The following RAPGEF4 variants were observed in gnomAD, a reference collection of about 807,000 sequenced individuals.
RAPGEF4 encodes the protein Rap guanine nucleotide exchange factor 4.
RAPGEF4 carries 66 observed loss-of-function variants against 147.9 expected under a neutral mutation model. That is an observed-to-expected ratio of 0.45 (90% CI 0.37 to 0.55). The LOEUF is 0.55. Among genes scored for constraint, RAPGEF4 ranks in the 20% least tolerant of loss-of-function variants. The pLI, the probability that RAPGEF4 is intolerant of heterozygous loss-of-function variation, is 0.00. For synonymous variants in RAPGEF4, 419 were observed against 442.7 expected (o/e 0.95, Z 0.67); for missense variants, 1,071 against 1,257.3 (o/e 0.85, Z 2.24).
chr2:172,923,048 G>A (rs564769125), intron 6 of RAPGEF4, among the ~76,000 whole-genome samples: 9 of 152,296 alleles, frequency 5.9e-5, no homozygotes, highest in East Asian at 3.9e-4. Flanking sequence ...AAGTGGCAAC[G>A]TTACAGGATT....
chr2:173,010,824 A>G (rs1321934303), intron 17 of RAPGEF4, among the ~76,000 whole-genome samples: 1 of 152,182 alleles, frequency 6.6e-6, no homozygotes, highest in Admixed American at 6.5e-5. Flanking sequence ...GACATTTCAG[A>G]AGGGGAACCC....
chr2:172,761,955 TA>T (rs1696388569), intron 1 of RAPGEF4, among the ~76,000 whole-genome samples: 1 of 152,056 alleles, frequency 6.6e-6, no homozygotes, highest in Non-Finnish European at 1.5e-5. Context: ...AACCCGTCCC[TA>T]AATTAAAGTA....
At chr2:172,986,234 A>C (rs1692235765) in intron 12 of RAPGEF4, among the ~76,000 whole-genome samples, 1 of 152,240 alleles carries the variant, frequency 6.6e-6, no homozygotes, top group African/African-American at 2.4e-5. Context: ...TGTTCTCAGA[A>C]GTTCTGCAAT....
intron 4 of RAPGEF4, among the ~76,000 whole-genome samples, chr2:172,823,932 T>TAG (rs1370780619): frequency 6.6e-6 from 1 of 152,214 alleles, no homozygotes; most frequent in Non-Finnish European, 1.5e-5. Context: ...TATTGTAAAA[T>TAG]AGAGATACCT....
chr2:172,828,525 C>T (rs1689937883), intron 4 of RAPGEF4, among the ~76,000 whole-genome samples: 1 of 152,184 alleles, frequency 6.6e-6, no homozygotes, highest in South Asian at 2.1e-4. Context: ...CATCTCACAG[C>T]TCCTAGCTGT....
chr2:172,735,769 C>T (rs913113028), upstream of RAPGEF4: 542 of 204,240 alleles, frequency 2.7e-3, 5 homozygotes, highest in African/African-American at 0.012. Flanking sequence ...CTCGGCCCTC[C>T]CCGCACCCGC....
chr2:172,900,531 G>C (rs905528129), intron 4 of RAPGEF4, among the ~76,000 whole-genome samples: 1 of 152,152 alleles, frequency 6.6e-6, no homozygotes, highest in African/African-American at 2.4e-5. Context: ...GAGCCACTGT[G>C]CCTGGCCAAT....
intron 3 of RAPGEF4, among the ~76,000 whole-genome samples, chr2:172,806,015 C>CTCTGTGTGTGTG (rs1381635401): frequency 6.9e-6 from 1 of 145,324 alleles, no homozygotes; most frequent in African/African-American, 2.6e-5. Flanking sequence ...TATTATCCGG[C>CTCTGTGTGTGTG]TGTGTGTGTG....
rs191480125 is a variant in RAPGEF4, at chr2:173,027,524, C to T, written c.2558+265C>T. On this transcript the variant is annotated intron_variant, in intron 25 of 30. Coordinates refer to ENST00000397081, the MANE Select transcript of RAPGEF4 (RefSeq NM_007023.4). ...CTTTGCTCTTTGCTTTCTACTCAGA[C>T]GGTTTTGCCTCCTTTAGTTTAAAAT... 1.5e-3 allele frequency among the ~76,000 whole-genome samples: 223 copies of T among 152,338 alleles called. 1 individual carries two copies. The highest frequency in any genetic ancestry group is 5.0e-3 in the African/African-American group (208 of 41,572).
intron 4 of RAPGEF4, 38 bp from the exon 5 acceptor site, chr2:172,917,764 A>G: frequency 1.3e-6 from 2 of 1,538,260 alleles, no homozygotes; most frequent in Non-Finnish European, 1.8e-6. Flanking sequence ...CAAAGCAAGT[A>G]AATATCTGTG....
At chr2:172,834,025 C>A (rs1690656674) in intron 4 of RAPGEF4, among the ~76,000 whole-genome samples, 1 of 152,180 alleles carries the variant, frequency 6.6e-6, no homozygotes, top group East Asian at 1.9e-4. Flanking sequence ...GTTCTTGGAT[C>A]TGTTGGCTCC....
chr2:172,950,430 A>G (rs1212207876), intron 6 of RAPGEF4, among the ~76,000 whole-genome samples: 2 of 152,326 alleles, frequency 1.3e-5, no homozygotes, highest in East Asian at 3.9e-4. Flanking sequence ...TCACATGTAA[A>G]CATTTTCCAA....
At chr2:172,960,562 T>C (rs565160570) in intron 6 of RAPGEF4, among the ~76,000 whole-genome samples, 198 bp from the exon 7 acceptor site, 1 of 152,350 alleles carries the variant, frequency 6.6e-6, no homozygotes, top group South Asian at 2.1e-4. Context: ...TATTTAAATG[T>C]TGGCAAATTG....
chr2:172,989,459 T>G (rs1986155), intron 14 of RAPGEF4, among the ~76,000 whole-genome samples: 11,102 of 152,046 alleles, frequency 0.073, 601 homozygotes, highest in South Asian at 0.16. Context: ...ATAACTGGGG[T>G]GGTAGAGGGA....
intron 1 of RAPGEF4, among the ~76,000 whole-genome samples, chr2:172,752,684 C>G (rs548051856): frequency 3.9e-5 from 6 of 152,266 alleles, no homozygotes; most frequent in South Asian, 4.1e-4. Flanking sequence ...AATAAGGGAG[C>G]CTTCTATTGA....
intron 4 of RAPGEF4, among the ~76,000 whole-genome samples, chr2:172,916,124 C>T (rs1350659817): frequency 6.6e-6 from 1 of 152,180 alleles, no homozygotes; most frequent in Non-Finnish European, 1.5e-5. Flanking sequence ...GTGTGCTCCA[C>T]AAGACAGCAA....
chr2:172,986,711 T>TTTA (rs1692290376), intron 12 of RAPGEF4, among the ~76,000 whole-genome samples: 1 of 151,860 alleles, frequency 6.6e-6, no homozygotes. Flanking sequence ...TTTTTTTTTT[T>TTTA]GAGACGGAGT....
chr2:172,781,378 T>C (rs1684663868), intron 1 of RAPGEF4, among the ~76,000 whole-genome samples: 1 of 152,116 alleles, frequency 6.6e-6, no homozygotes, highest in Admixed American at 6.5e-5. Context: ...GTGTGGTGAC[T>C]CACACCTGTA....
rs151073925 is a variant in RAPGEF4, at chr2:172,836,366, C to T, written c.444+21941C>T. Among the ~76,000 whole-genome samples, 214 of 152,244 alleles carry T rather than the reference C, an allele frequency of 1.4e-3. 1 individual carries two copies. Among genetic ancestry groups the T allele is most frequent in the African/African-American group, 4.8e-3 (198 of 41,544 alleles). On this transcript the variant is annotated intron_variant, in intron 4 of 30. Coordinates refer to ENST00000397081, the MANE Select transcript of RAPGEF4 (RefSeq NM_007023.4). Reference sequence around the variant, plus strand: ...GTGCTTTGAGGTTAAAGGTGTGATGCCTTTGGCACCACCAGAACTCAACTT... The same window carrying T: ...GTGCTTTGAGGTTAAAGGTGTGATGTCTTTGGCACCACCAGAACTCAACTT...
Sources: allele counts gnomAD v4.1 joint callset (sites outside exome capture counted in the v4.1 genomes callset), GRCh38; gene constraint gnomAD v4.1.1; transcripts MANE v1.5; gene names NCBI Gene and HGNC (gene_info 2026-07-23, HGNC 2026-07-21).